The following ICA1 variants were observed in gnomAD, a reference collection of about 807,000 sequenced individuals.
ICA1 encodes the protein islet cell autoantigen 1.
A neutral mutation model predicts 71.0 loss-of-function variants in ICA1; 40 were observed. The ratio of observed to expected loss-of-function variants is 0.56; its 90% CI spans 0.44 to 0.73. ICA1 has a LOEUF of 0.73. ICA1 is among the 30% of genes least tolerant of loss of function. ICA1 has a pLI of 0.00. For missense variants in ICA1, 578 were observed against 576.5 expected (o/e 1.00, Z -0.03); for synonymous variants, 207 against 209.5 (o/e 0.99, Z 0.10).
At position 8,153,976 on chromosome 7, in the gene ICA1, T is replaced by C. The variant is rs1197183304; in HGVS notation, c.804+3140A>G. On this transcript the variant is annotated intron_variant, in intron 8 of 13. Coordinates refer to ENST00000402384, the MANE Select transcript of ICA1 (RefSeq NM_001136020.3). Reference sequence around the variant, plus strand: ...GTTTCTCTGCCTTAAACTTGAGCTGTTATAATTATCAGATTAAAATTTTTT... The same window carrying C: ...GTTTCTCTGCCTTAAACTTGAGCTGCTATAATTATCAGATTAAAATTTTTT... 3.3e-5 allele frequency among the ~76,000 whole-genome samples: 5 copies of C among 151,604 alleles called. No homozygotes were observed. In the East Asian group the frequency reaches 9.6e-4, roughly 29 times the overall value.
intron 8 of ICA1, among the ~76,000 whole-genome samples, chr7:8,147,476 T>C (rs1201142911): frequency 3.3e-5 from 5 of 152,072 alleles, no homozygotes; most frequent in South Asian, 4.1e-4. Context: ...CTAAAACAAT[T>C]TGGCTGTTGC....
At chr7:8,224,824 T>C (rs963044039) in intron 4 of ICA1, among the ~76,000 whole-genome samples, 1 of 152,206 alleles carries the variant, frequency 6.6e-6, no homozygotes, top group African/African-American at 2.4e-5. Flanking sequence ...ATTTTAAGAG[T>C]ACTGGTCAGA....
chr7:8,215,953 G>C (rs1389709309), intron 6 of ICA1, among the ~76,000 whole-genome samples: 1 of 152,138 alleles, frequency 6.6e-6, no homozygotes, highest in Non-Finnish European at 1.5e-5. Flanking sequence ...ATCCTACTGG[G>C]ACAAAACACT....
chr7:8,174,773 AAAAAAAC>A (rs1780032122), intron 6 of ICA1, among the ~76,000 whole-genome samples: 1 of 149,828 alleles, frequency 6.7e-6, no homozygotes, highest in South Asian at 2.1e-4. Flanking sequence ...AAAAAAAAAA[AAAAAAAC>A]AGAGAGAGAG....
chr7:8,160,143 T>C (rs1803226677), intron 6 of ICA1, among the ~76,000 whole-genome samples: 1 of 152,218 alleles, frequency 6.6e-6, no homozygotes, highest in Non-Finnish European at 1.5e-5. Context: ...GTGAGGTATT[T>C]GCATGCATTT....
At chr7:8,159,430 G>A (rs915568413) in intron 6 of ICA1, among the ~76,000 whole-genome samples, 9 of 152,190 alleles carry the variant, frequency 5.9e-5, no homozygotes, top group African/African-American at 1.4e-4. Context: ...GTGAGGTCAA[G>A]GCCAGGCACA....
intron 1 of ICA1, among the ~76,000 whole-genome samples, chr7:8,256,165 CT>C (rs1313542150): frequency 6.6e-6 from 1 of 152,202 alleles, no homozygotes; most frequent in Non-Finnish European, 1.5e-5. Context: ...ATCTTCACAG[CT>C]TAGGCCTTAA....
At chr7:8,259,183 A>T (rs982665092) in intron 1 of ICA1, among the ~76,000 whole-genome samples, 1 of 152,228 alleles carries the variant, frequency 6.6e-6, no homozygotes, top group African/African-American at 2.4e-5. Flanking sequence ...TCAAATGTTA[A>T]CATACTCATG....
At chr7:8,219,801 CAA>C (rs966671860) in intron 5 of ICA1, among the ~76,000 whole-genome samples, 32 of 152,212 alleles carry the variant, frequency 2.1e-4, no homozygotes, top group Non-Finnish European at 2.2e-4. Context: ...TTAAAGACAT[CAA>C]GAGTCCTCAG....
intron 6 of ICA1, among the ~76,000 whole-genome samples, chr7:8,200,149 G>A (rs1789065920): frequency 6.6e-6 from 1 of 151,898 alleles, no homozygotes; most frequent in South Asian, 2.1e-4. Flanking sequence ...TTGCACGCCT[G>A]TATCAAAACA....
At chr7:8,142,062 G>T (rs1331194595) in intron 9 of ICA1, 4 of 1,383,592 alleles carry the variant, frequency 2.9e-6, no homozygotes, top group African/African-American at 1.4e-5. Flanking sequence ...ATATCTAGAT[G>T]GGCAGTTAGA....
intron 6 of ICA1, among the ~76,000 whole-genome samples, chr7:8,201,386 G>C (rs1789621647): frequency 6.6e-6 from 1 of 152,178 alleles, no homozygotes; most frequent in East Asian, 1.9e-4. Flanking sequence ...TTAATGACAA[G>C]AGAAAGGAAG....
At chr7:8,164,673 C>A (rs1341164266) in intron 6 of ICA1, among the ~76,000 whole-genome samples, 6 of 152,236 alleles carry the variant, frequency 3.9e-5, no homozygotes, top group Non-Finnish European at 5.9e-5. Flanking sequence ...AGGCAACATC[C>A]TGCATTCAGG....
intron 8 of ICA1, among the ~76,000 whole-genome samples, chr7:8,151,320 C>T (rs759904336): frequency 2.0e-5 from 3 of 152,208 alleles, no homozygotes; most frequent in Non-Finnish European, 2.9e-5. Context: ...CAATGCCAGT[C>T]GCCATCAGGC....
chr7:8,115,104 C>T (rs1399760176), intron 13 of ICA1: 2 of 152,150 alleles, frequency 1.3e-5, no homozygotes, highest in Admixed American at 1.3e-4. Flanking sequence ...AGATAGTGTA[C>T]CGATCACTTT....
chr7:8,121,888 C>T (rs1177211519), intron 13 of ICA1, among the ~76,000 whole-genome samples: 3 of 152,146 alleles, frequency 2.0e-5, no homozygotes, highest in Admixed American at 2.0e-4. Flanking sequence ...CATACGTCTA[C>T]TAGTCCCACA....
At chr7:8,177,091 C>A (rs140554175) in intron 6 of ICA1, among the ~76,000 whole-genome samples, 5 of 152,158 alleles carry the variant, frequency 3.3e-5, no homozygotes, top group Non-Finnish European at 5.9e-5. Context: ...CTAATGCATA[C>A]AAAATTTGAT....
chr7:8,205,797 CTG>C (rs1416220552), intron 6 of ICA1, among the ~76,000 whole-genome samples: 3 of 151,060 alleles, frequency 2.0e-5, no homozygotes, highest in African/African-American at 7.3e-5. Flanking sequence ...TAGGGAAAGA[CTG>C]TGTCTCAGCA....
intron 1 of ICA1, among the ~76,000 whole-genome samples, chr7:8,241,046 A>C (rs1803672296): frequency 6.6e-6 from 1 of 152,196 alleles, no homozygotes; most frequent in African/African-American, 2.4e-5. Flanking sequence ...CAATATTCAA[A>C]TTCAGGAATT....
Sources: allele counts gnomAD v4.1 joint callset (sites outside exome capture counted in the v4.1 genomes callset), GRCh38; gene constraint gnomAD v4.1.1; transcripts MANE v1.5; gene names NCBI Gene and HGNC (gene_info 2026-07-23, HGNC 2026-07-21).